Variants in FRY observed in about 807,000 individuals in gnomAD.
FRY encodes protein furry homolog.
A neutral mutation model predicts 348.4 loss-of-function variants in FRY; 128 were observed. The ratio of observed to expected loss-of-function variants is 0.37; its 90% confidence interval spans 0.32 to 0.43. The LOEUF is 0.43. FRY is among the 20% of genes least tolerant of loss of function. The pLI is 1.00. For missense variants in FRY, 2,736 were observed against 3,695.2 expected (o/e 0.74, Z 6.73); for synonymous variants, 1,370 against 1,374.7 (o/e 1.00, Z 0.08).
chr13:32,259,352 G>A (rs145978260), intron 51 of FRY, among the ~76,000 whole-genome samples: 1 of 152,306 alleles, frequency 6.6e-6, no homozygotes, highest in East Asian at 1.9e-4. Flanking sequence ...TTCTAATGGA[G>A]ATATTACACC....
intron 3 of FRY, among the ~76,000 whole-genome samples, chr13:32,106,154 A>G (rs941512026): frequency 6.7e-6 from 1 of 148,236 alleles, no homozygotes; most frequent in African/African-American, 2.4e-5. Context: ...ATACTATTGT[A>G]TTAATATTAA....
At chr13:32,087,163 A>G (rs534176835) in intron 2 of FRY, among the ~76,000 whole-genome samples, 2 of 152,360 alleles carry the variant, frequency 1.3e-5, no homozygotes, top group African/African-American at 4.8e-5. Context: ...GCCAAACTCT[A>G]TTGCATCACA....
chr13:32,252,787 A>G (rs1363183436), intron 50 of FRY, among the ~76,000 whole-genome samples: 1 of 152,082 alleles, frequency 6.6e-6, no homozygotes, highest in African/African-American at 2.4e-5. Context: ...GTACAAAGTG[A>G]TATTTCTTAT....
chr13:32,255,905 A>G (rs1887305668), intron 51 of FRY, among the ~76,000 whole-genome samples: 1 of 152,188 alleles, frequency 6.6e-6, no homozygotes, highest in African/African-American at 2.4e-5. Context: ...TTCCCTCTGG[A>G]AGTTATACAA....
intron 51 of FRY, 137 bp downstream of exon 51, chr13:32,254,531 C>T: frequency 1.0e-6 from 1 of 960,278 alleles, no homozygotes; most frequent in Non-Finnish European, 1.6e-6. Context: ...TTTGAATCAA[C>T]TTATTCAAAG....
At chr13:32,056,919 T>C (rs1288732096) in intron 1 of FRY, among the ~76,000 whole-genome samples, 1 of 152,142 alleles carries the variant, frequency 6.6e-6, no homozygotes, top group Non-Finnish European at 1.5e-5. Context: ...GTTGGGTTTA[T>C]AAGACCAATT....
At chr13:32,285,915 G>A (rs1889020834) in intron 58 of FRY, among the ~76,000 whole-genome samples, 2 of 152,194 alleles carry the variant, frequency 1.3e-5, no homozygotes, top group Non-Finnish European at 2.9e-5. Flanking sequence ...GTTTTCTTGA[G>A]AATAGTAAAC....
chr13:32,244,277 C>A, intron 47 of FRY, 95 bp downstream of exon 47: 1 of 1,145,834 alleles, frequency 8.7e-7, no homozygotes, highest in Non-Finnish European at 1.3e-6. Flanking sequence ...GGGTGCCAGG[C>A]CACTCATTCA....
At chr13:32,110,173 G>A (rs1877866892) in intron 3 of FRY, among the ~76,000 whole-genome samples, 1 of 152,216 alleles carries the variant, frequency 6.6e-6, no homozygotes, top group Non-Finnish European at 1.5e-5. Flanking sequence ...CACAAGCTAA[G>A]TTATAGTGGC....
At chr13:32,218,938 T>C in intron 36 of FRY, 107 bp downstream of exon 36, 1 of 716,432 alleles carries the variant, frequency 1.4e-6, no homozygotes, top group South Asian at 1.5e-5. Context: ...GGCCTATAGA[T>C]ATTAAGTAAC....
intron 2 of FRY, among the ~76,000 whole-genome samples, chr13:32,094,964 C>T (rs373416794): frequency 4.3e-4 from 66 of 152,308 alleles, no homozygotes; most frequent in African/African-American, 1.5e-3. Flanking sequence ...ACATTCCCAC[C>T]AACCAGTGTA....
At chr13:32,268,801 G>A (rs1222078801) in intron 55 of FRY, among the ~76,000 whole-genome samples, 1 of 151,632 alleles carries the variant, frequency 6.6e-6, no homozygotes, top group Non-Finnish European at 1.5e-5. Context: ...CCGAGTAGCT[G>A]GGATTACAGG....
At chr13:32,065,119 A>G (rs1414035705) in intron 1 of FRY, among the ~76,000 whole-genome samples, 2 of 152,168 alleles carry the variant, frequency 1.3e-5, no homozygotes, top group African/African-American at 4.8e-5. Context: ...TATTATTGCC[A>G]TTGTAAAATA....
At chr13:32,234,443 G>A in intron 41 of FRY, 131 bp from the exon 42 acceptor site, 2 of 818,090 alleles carry the variant, frequency 2.4e-6, no homozygotes, top group Non-Finnish European at 4.2e-6. Context: ...AAAAAAAATG[G>A]TTGACTTGTA....
chr13:32,182,855 T>C lies in FRY; in HGVS notation c.2997-122T>C, dbSNP rs542625247. The C allele has an allele frequency of 4.2e-5, 29 of 683,012 alleles. No homozygotes were observed. The African/African-American group carries it at 4.6e-4, about 11-fold the overall frequency. The allele number at this position is 683,012 out of a possible 1,614,324, so 42.3% of individuals were successfully genotyped here. A position where few individuals can be genotyped will look rare whatever the true frequency, so the allele number is the denominator to read the frequency against. On this transcript the variant is annotated intron_variant, in intron 23 of 60. Transcript: ENST00000542859. ...TTGGGAAATGGAGAGATCAGGGAGA[T>C]TGTGATGTCAGAAGCAAAGTGTAAA...
chr13:32,048,533 C>A (rs531304056), intron 1 of FRY, among the ~76,000 whole-genome samples: 1 of 152,322 alleles, frequency 6.6e-6, no homozygotes, highest in East Asian at 1.9e-4. Flanking sequence ...ATTTTTAAAT[C>A]ATTCAGCACT....
intron 1 of FRY, among the ~76,000 whole-genome samples, chr13:32,051,988 A>G (rs1489062855): frequency 3.3e-5 from 5 of 152,246 alleles, no homozygotes; most frequent in African/African-American, 1.2e-4. Flanking sequence ...TGGGTGCCAT[A>G]TAGAAGTATT....
rs1879604157 is a variant in FRY, at chr13:32,134,880, C to T, written c.886-24C>T. 3 of 1,432,428 alleles carry T rather than the reference C, an allele frequency of 2.1e-6. No individual in the cohort carries two copies. In the East Asian group the frequency reaches 6.8e-5, roughly 33 times the overall value. The allele number at this position is 1,432,428 out of a possible 1,614,324, so 88.7% of individuals were successfully genotyped here. On this transcript the variant is annotated intron_variant, in intron 8 of 60. Coordinates refer to ENST00000542859, the MANE Select transcript of FRY (RefSeq NM_023037.3). Reference sequence around the variant, plus strand: ...GTACATTTCAACCTACTCTCCCTCCCTATACTCTTTTTCTGCTTCCCAGGA... The same window carrying T: ...GTACATTTCAACCTACTCTCCCTCCTTATACTCTTTTTCTGCTTCCCAGGA...
intron 3 of FRY, among the ~76,000 whole-genome samples, chr13:32,102,255 T>C (rs1877214292): frequency 1.3e-5 from 2 of 152,200 alleles, no homozygotes; most frequent in Admixed American, 1.3e-4. Flanking sequence ...AGGTCTTCAA[T>C]TGATTATTTC....
Sources: gnomAD v4.1 joint callset for allele counts (sites outside exome capture counted in the v4.1 genomes callset) on GRCh38, gnomAD v4.1.1 for gene constraint, MANE v1.5 for transcripts, NCBI Gene and HGNC (gene_info 2026-07-23, HGNC 2026-07-21) for gene names.